Variants in TMEM131L observed in about 807,000 individuals in gnomAD.
TMEM131L encodes the protein transmembrane 131 like.
A neutral mutation model predicts 192.2 loss-of-function variants in TMEM131L; 54 were observed. The observed-to-expected ratio is 0.28, with a 90% confidence interval of 0.23 to 0.35. The LOEUF is 0.35. TMEM131L is among the 10% of genes least tolerant of loss of function. TMEM131L has a pLI of 1.00. For synonymous variants in TMEM131L, 701 were observed against 704.9 expected, an observed-to-expected ratio of 0.99 and a Z score of 0.09; for missense variants, 1,888 against 1,972.9, an observed-to-expected ratio of 0.96 and a Z score of 0.82.
At chr4:153,484,779 G>T (rs1327425504) in intron 3 of TMEM131L, among the ~76,000 whole-genome samples, 2 of 143,896 alleles carry the variant, frequency 1.4e-5, no homozygotes, top group Non-Finnish European at 3.0e-5. Flanking sequence ...TAGGGATGTA[G>T]TTTTTAAAGT....
At position 153,585,446 on chromosome 4, in the gene TMEM131L, G is replaced by A. The variant is rs751329267; in HGVS notation, c.1158-12G>A. 8.7e-6 allele frequency: 14 copies of A among 1,612,770 alleles called. No individual in the cohort carries two copies. The highest frequency in any genetic ancestry group is 1.2e-5 in the Non-Finnish European group (14 of 1,179,526). On this transcript the variant is annotated splice_polypyrimidine_tract_variant and intron_variant, in intron 12 of 34. Coordinates refer to ENST00000409959, the MANE Select transcript of TMEM131L (RefSeq NM_001131007.2). Reference sequence around the variant, plus strand: ...ACTCAGGCCTGATAGCATGCATGTCGTCTGTTCACAGGTATTTTAGAATGG... The same window carrying A: ...ACTCAGGCCTGATAGCATGCATGTCATCTGTTCACAGGTATTTTAGAATGG...
At chr4:153,509,092 C>T (rs903093312) in intron 3 of TMEM131L, among the ~76,000 whole-genome samples, 2 of 152,010 alleles carry the variant, frequency 1.3e-5, no homozygotes, top group Non-Finnish European at 2.9e-5. Flanking sequence ...TACCTGTTAT[C>T]CCAGCACTTT....
At chr4:153,472,618 G>T (rs1311257863) in intron 2 of TMEM131L, among the ~76,000 whole-genome samples, 3 of 152,198 alleles carry the variant, frequency 2.0e-5, no homozygotes, top group Non-Finnish European at 1.5e-5. Flanking sequence ...ACAAGACAGA[G>T]AATAAATTTA....
Position 153,466,417 on chromosome 4 carries a change from C to T in TMEM131L, c.20C>T (p.Pro7Leu), listed in dbSNP as rs1730744217. The change falls in exon 1 of 35, where the codon CCG (proline) becomes CTG (leucine). Residue 7 changes from proline (P) to leucine (L), a missense_variant. Transcript: ENST00000409959. MAGLRR[P>L]QPGCYCRTAA... ...AGCAGCATGGCGGGGCTCCGACGCC[C>T]GCAGCCCGGCTGCTACTGCCGCACC... 3.7e-6 allele frequency: 5 copies of T among 1,368,558 alleles called. No individual in the cohort carries two copies. The highest frequency in any genetic ancestry group is 3.1e-5 in the East Asian group (1 of 32,660). The allele number at this position is 1,368,558 out of a possible 1,614,324, so 84.8% of individuals were successfully genotyped here.
In TMEM131L at chr4:153,480,294, G is replaced by A. The variant is rs569715997; in HGVS notation, c.239+6406G>A. 3.3e-5 allele frequency among the ~76,000 whole-genome samples: 5 copies of A among 152,236 alleles called. No individual in the cohort carries two copies. In the East Asian group the frequency reaches 7.7e-4, roughly 24 times the overall value. ...TCGGAGCTTGCAGCGAGCCGAGATC[G>A]CGCCACTGCACTCCAGCCTGGGCGA... is the stretch of plus-strand genomic sequence containing the variant. On this transcript the variant is annotated intron_variant, in intron 3 of 34. Transcript: ENST00000409959.
intron 7 of TMEM131L, among the ~76,000 whole-genome samples, chr4:153,563,752 C>T (rs1729005800): frequency 6.6e-6 from 1 of 152,008 alleles, no homozygotes; most frequent in East Asian, 1.9e-4. Context: ...CAGGTGTAAA[C>T]CACCACGCCT....
chr4:153,483,316 G>GT (rs1351739939), intron 3 of TMEM131L, among the ~76,000 whole-genome samples: 30 of 152,276 alleles, frequency 2.0e-4, no homozygotes, highest in African/African-American at 7.0e-4. Flanking sequence ...ATTGCTACAT[G>GT]TCATAATATT....
intron 3 of TMEM131L, among the ~76,000 whole-genome samples, chr4:153,545,272 A>T (rs1001223388): frequency 6.9e-6 from 1 of 145,694 alleles, no homozygotes; most frequent in Non-Finnish European, 1.5e-5. Flanking sequence ...TTTCTCTTGT[A>T]TCAGCCACTT....
chr4:153,543,080 T>C (rs1736915221), intron 3 of TMEM131L, among the ~76,000 whole-genome samples: 1 of 152,224 alleles, frequency 6.6e-6, no homozygotes, highest in Middle Eastern at 3.2e-3. Flanking sequence ...AAGGACTTTT[T>C]GATTCCTCTC....
At chr4:153,556,036 C>T (rs1404248835) in intron 5 of TMEM131L, 126 bp downstream of exon 5, 2 of 687,796 alleles carry the variant, frequency 2.9e-6, no homozygotes, top group East Asian at 6.1e-5. Context: ...AAACCTTTTC[C>T]TTCTGTGTGT....
In TMEM131L at chr4:153,593,624, C is replaced by G. The variant is rs546876552; in HGVS notation, c.1923-175C>G. Among the ~76,000 whole-genome samples, 467 of 149,228 alleles carry G rather than the reference C, an allele frequency of 3.1e-3. 2 individuals carry two copies. The highest frequency in any genetic ancestry group is 5.0e-3 in the Non-Finnish European group (342 of 67,924). The stretch of plus-strand genomic sequence containing the variant: ...ATGGGTGTGGGAATGTGGGGTGGAG[C>G]TGGGTGGGAATGTGGGGTGGAATGT... On this transcript the variant is annotated intron_variant, in intron 18 of 34. Coordinates refer to ENST00000409959, the MANE Select transcript of TMEM131L (RefSeq NM_001131007.2).
chr4:153,554,139 ATAT>A (rs1737830999), intron 4 of TMEM131L: 1 of 152,150 alleles, frequency 6.6e-6, no homozygotes, highest in Admixed American at 6.6e-5. Context: ...TTGATGATTG[ATAT>A]TATTTACTTG....
intron 25 of TMEM131L, among the ~76,000 whole-genome samples, chr4:153,609,835 T>C (rs1732491319): frequency 6.6e-6 from 1 of 152,220 alleles, no homozygotes; most frequent in Non-Finnish European, 1.5e-5. Context: ...CAAATATCTG[T>C]ATTGTATTTC....
At chr4:153,610,276 A>T (rs930985015) in intron 25 of TMEM131L, among the ~76,000 whole-genome samples, 4 of 152,226 alleles carry the variant, frequency 2.6e-5, no homozygotes, top group Non-Finnish European at 4.4e-5. Context: ...ACTAATTCTA[A>T]GTTATTCCCG....
chr4:153,566,289 G>C (rs556940844), intron 7 of TMEM131L, among the ~76,000 whole-genome samples: 3 of 151,938 alleles, frequency 2.0e-5, no homozygotes, highest in Non-Finnish European at 4.4e-5. Context: ...GCGCCCGCAA[G>C]CACGCCCAGA....
intron 3 of TMEM131L, among the ~76,000 whole-genome samples, chr4:153,492,763 G>T (rs74971127): frequency 1.1e-4 from 8 of 75,420 alleles, no homozygotes; most frequent in South Asian, 1.2e-3. Context: ...AAATTTAGGT[G>T]TTTTTTTTAA....
intron 2 of TMEM131L, among the ~76,000 whole-genome samples, chr4:153,469,387 GAAGA>G (rs1730997723): frequency 6.6e-6 from 1 of 151,668 alleles, no homozygotes; most frequent in African/African-American, 2.4e-5. Context: ...AGAGAGTTTT[GAAGA>G]AAGTTATTTT....
chr4:153,591,142 C>G lies in TMEM131L; in HGVS notation c.1760C>G (p.Ala587Gly). 6.2e-7 allele frequency: 1 copy of G among 1,611,592 alleles called. No homozygotes were observed. Among genetic ancestry groups the G allele is most frequent in the Non-Finnish European group, 8.5e-7 (1 of 1,178,526 alleles). The part of the protein sequence containing the change: ...SFVFFLPRLI[A>G]EPGLMLNFSA... ...GTTTTCTTTTTGCCTCGTTTGATCG[C>G]AGAGCCTGGCCTCATGTTAAACTTC... Residue 587 changes from alanine (A) to glycine (G), a missense_variant, in exon 17 of 35, where the codon GCA (alanine) becomes GGA (glycine). Ala to Gly is a moderately conservative substitution (Grantham distance 60). Coordinates refer to ENST00000409959, the MANE Select transcript of TMEM131L (RefSeq NM_001131007.2).
intron 7 of TMEM131L, among the ~76,000 whole-genome samples, chr4:153,574,314 A>AGTG (rs72081900): frequency 1.3e-5 from 2 of 151,900 alleles, no homozygotes; most frequent in Non-Finnish European, 2.9e-5. Flanking sequence ...ATAAAAGGGT[A>AGTG]GTGGTGGTGG....
Sources: allele counts gnomAD v4.1 joint callset (sites outside exome capture counted in the v4.1 genomes callset), GRCh38; gene constraint gnomAD v4.1.1; transcripts MANE v1.5; gene names NCBI Gene and HGNC (gene_info 2026-07-23, HGNC 2026-07-21).